Variants in TMPRSS4 observed in about 807,000 individuals in gnomAD.
TMPRSS4 encodes transmembrane protease serine 4.
TMPRSS4 carries 45 observed loss-of-function variants against 56.4 expected under a neutral mutation model. The ratio of observed to expected loss-of-function variants is 0.80; its 90% CI spans 0.63 to 1.02. The LOEUF (loss-of-function observed/expected upper bound fraction) is 1.02, where lower values mean the gene tolerates loss of function less well. TMPRSS4 is among the 50% of genes least tolerant of loss of function. The pLI is 0.00. For missense variants in TMPRSS4, 546 were observed against 556.7 expected (o/e 0.98, Z 0.19); for synonymous variants, 205 against 211.0 (o/e 0.97, Z 0.25).
rs79338015 is a variant in TMPRSS4, at chr11:118,115,005, G to A, written c.1009+78G>A. 1.0e-3 allele frequency: 1,584 copies of A among 1,546,978 alleles called. 14 individuals are homozygous for A. In the African/African-American group the frequency reaches 0.019, roughly 19 times the overall value. On this transcript the variant is annotated intron_variant, in intron 10 of 12. Transcript: ENST00000437212. ...CAGCTTCCAGAAGTAATGGGAAGGA[G>A]GACCACCCTTCAGAGAAACCCATCC...
intron 4 of TMPRSS4, 140 bp downstream of exon 4, chr11:118,103,393 T>TTTGTTTGTTTGG: frequency 8.6e-7 from 1 of 1,159,070 alleles, no homozygotes; most frequent in Non-Finnish European, 1.2e-6. Flanking sequence ...TGTTTGTTTG[T>TTTGTTTGTTTGG]TGTTGTTTTG....
chr11:118,082,742 C>G (rs1215771172), intron 1 of TMPRSS4, among the ~76,000 whole-genome samples: 2 of 152,074 alleles, frequency 1.3e-5, no homozygotes, highest in African/African-American at 2.4e-5. Flanking sequence ...TACCAGGAGA[C>G]CATTAACGAT....
chr11:118,095,043 C>T (rs1371817431), intron 2 of TMPRSS4, 188 bp downstream of exon 2: 1 of 647,652 alleles, frequency 1.5e-6, no homozygotes, highest in Non-Finnish European at 2.7e-6. Context: ...AAGTAGGAGG[C>T]CTGGACTCTG....
rs377598406 is a variant in TMPRSS4 at position 118,111,739 on chromosome 11, A to G, written c.584-2A>G. 4.5e-6 allele frequency: 7 copies of G among 1,569,082 alleles called. No homozygotes were observed. Among genetic ancestry groups the G allele is most frequent in the Non-Finnish European group, 6.0e-6 (7 of 1,161,436 alleles). On this transcript the variant is annotated splice_acceptor_variant, in intron 7 of 12. Transcript: ENST00000437212. LOFTEE classifies it high-confidence loss of function. ...CTCCTCCCTGCCTCTGCCTGTGTCC[A>G]GCCTGTGGGAAGAGCCTGAAGACCC...
At position 118,120,747 on chromosome 11, in the gene TMPRSS4, T is replaced by C. The variant is rs930455311; in HGVS notation, c.*2834T>C. The C allele has an allele frequency of 4.6e-5, 7 of 152,140 alleles. No homozygotes were observed. The highest frequency in any genetic ancestry group is 1.7e-4 in the African/African-American group (7 of 41,432). The allele number at this position is 152,140 out of a possible 1,614,324, so 9.4% of individuals were successfully genotyped here. ...CCAGGAGCAATGAAGCCTAGAATGG[T>C]AAATTCTAACATATCCAGAATCCCA... is the stretch of plus-strand genomic sequence containing the variant. On this transcript the variant is annotated 3_prime_UTR_variant, in exon 13 of 13. Coordinates refer to ENST00000437212, the MANE Select transcript of TMPRSS4 (RefSeq NM_019894.4).
At chr11:118,084,210 C>T (rs1006998821) in intron 1 of TMPRSS4, among the ~76,000 whole-genome samples, 2 of 152,110 alleles carry the variant, frequency 1.3e-5, no homozygotes, top group Non-Finnish European at 2.9e-5. Flanking sequence ...CAATAACTTG[C>T]TAAAGCCTCA....
rs191749275 is a variant in TMPRSS4 at position 118,078,885 on chromosome 11, G to A, written c.3+1580G>A. Reference sequence around the variant, plus strand: ...AGCCCCACGCACATGCACCGGGTTCGCAGAGATTACACAGCTAATACATGT... The same window carrying A: ...AGCCCCACGCACATGCACCGGGTTCACAGAGATTACACAGCTAATACATGT... On this transcript the variant is annotated intron_variant, in intron 1 of 12. Transcript: ENST00000437212. Among the ~76,000 whole-genome samples the A allele has an allele frequency of 9.9e-5, 15 of 152,246 alleles. No homozygotes were observed. The East Asian group carries it at 1.2e-3, about 12-fold the overall frequency.
intron 1 of TMPRSS4, among the ~76,000 whole-genome samples, chr11:118,084,703 ACTC>A (rs1292684969): frequency 6.6e-6 from 1 of 151,792 alleles, no homozygotes; most frequent in Admixed American, 6.6e-5. Flanking sequence ...CACTTACTAA[ACTC>A]CTCTATGTTT....
chr11:118,083,278 C>T (rs367704895), intron 1 of TMPRSS4, among the ~76,000 whole-genome samples: 3 of 152,228 alleles, frequency 2.0e-5, no homozygotes, highest in Non-Finnish European at 4.4e-5. Flanking sequence ...CTTTCTCAGA[C>T]GGCCACACAC....
At chr11:118,113,481 T>C (rs1248749678) in intron 9 of TMPRSS4, 46 bp downstream of exon 9, 1 of 1,598,234 alleles carries the variant, frequency 6.3e-7, no homozygotes, top group South Asian at 1.1e-5. Flanking sequence ...ACATCAGTTT[T>C]CACGCCCACT....
rs1331707418 is a variant in TMPRSS4 at position 118,119,110 on chromosome 11, C to T, written c.*1197C>T. 2 of 985,230 alleles carry T rather than the reference C, an allele frequency of 2.0e-6. No individual in the cohort carries two copies. The highest frequency in any genetic ancestry group is 2.4e-6 in the Non-Finnish European group (2 of 829,934). 61.0% of individuals were successfully genotyped at this position (985,230 alleles called of 1,614,324 possible). A position where few individuals can be genotyped will look rare whatever the true frequency, so the allele number is the denominator to read the frequency against. ...AGGTTCTTAGGAAACAACAGAATTC[C>T]TCAAATGCCAAAAACAAAGAAAATA... On this transcript the variant is annotated 3_prime_UTR_variant, in exon 13 of 13. Transcript: ENST00000437212.
At chr11:118,101,919 C>T (rs753419013) in intron 3 of TMPRSS4, among the ~76,000 whole-genome samples, 8 of 152,150 alleles carry the variant, frequency 5.3e-5, no homozygotes, top group Non-Finnish European at 8.8e-5. Context: ...AAAACAAAAC[C>T]GAGGACCAAC....
intron 2 of TMPRSS4, 65 bp downstream of exon 2, chr11:118,094,920 C>T (rs71482127): frequency 1.9e-6 from 3 of 1,569,586 alleles, no homozygotes; most frequent in Non-Finnish European, 1.7e-6. Context: ...CAAGTAGATC[C>T]TAAGCCACTC....
In TMPRSS4 at chr11:118,104,838, C is replaced by G; in HGVS notation, c.440+18C>G. ...TACAGCAGGTAACCAACCTGGGCCTCTCTCCTTTTTCCCTCCTTCCTCCTT... is the reference window on the plus strand; with the variant it reads ...TACAGCAGGTAACCAACCTGGGCCTGTCTCCTTTTTCCCTCCTTCCTCCTT... On this transcript the variant is annotated intron_variant, in intron 5 of 12. Coordinates refer to ENST00000437212, the MANE Select transcript of TMPRSS4 (RefSeq NM_019894.4). The G allele has an allele frequency of 6.4e-7, 1 of 1,553,930 alleles. No individual in the cohort carries two copies. Among genetic ancestry groups the G allele is most frequent in the Non-Finnish European group, 8.7e-7 (1 of 1,149,478 alleles).
intron 3 of TMPRSS4, chr11:118,102,831 G>T: frequency 2.3e-6 from 1 of 440,438 alleles, no homozygotes. Context: ...GAGGGTAAGA[G>T]GCAGTTACCA....
chr11:118,078,867 C>T (rs934555301), intron 1 of TMPRSS4, among the ~76,000 whole-genome samples: 3 of 152,186 alleles, frequency 2.0e-5, no homozygotes, highest in African/African-American at 4.8e-5. Flanking sequence ...AACAGCCCCA[C>T]GCACATGCAC....
intron 3 of TMPRSS4, among the ~76,000 whole-genome samples, chr11:118,099,381 A>T (rs189819075): frequency 4.6e-4 from 70 of 151,920 alleles, no homozygotes; most frequent in African/African-American, 1.6e-3. Context: ...AAAGCTTTGC[A>T]GAAAAAATCA....
Position 118,118,172 on chromosome 11 carries a change from A to C in TMPRSS4, c.*259A>C. On this transcript the variant is annotated 3_prime_UTR_variant, in exon 13 of 13. Transcript: ENST00000437212. ...CCCAGGGAGAGACACAGCCCACTGA[A>C]CAAGGTCTCAGGGGTATTGCTAAGC... 2.8e-6 allele frequency: 4 copies of C among 1,407,964 alleles called. No individual in the cohort carries two copies. Among genetic ancestry groups the C allele is most frequent in the Non-Finnish European group, 3.7e-6 (4 of 1,084,660 alleles). 87.2% of individuals were successfully genotyped at this position (1,407,964 alleles called of 1,614,324 possible). A position where few individuals can be genotyped will look rare whatever the true frequency, so the allele number is the denominator to read the frequency against.
chr11:118,078,301 G>C (rs1944853725), intron 1 of TMPRSS4, among the ~76,000 whole-genome samples: 1 of 152,138 alleles, frequency 6.6e-6, no homozygotes. Flanking sequence ...CCTTGGCCAA[G>C]AGGCAGCAAT....
Sources: allele counts gnomAD v4.1 joint callset (sites outside exome capture counted in the v4.1 genomes callset), GRCh38; gene constraint gnomAD v4.1.1; transcripts MANE v1.5; gene names NCBI Gene and HGNC (gene_info 2026-07-23, HGNC 2026-07-21).